The following CPAP variants were observed in gnomAD, a reference collection of about 807,000 sequenced individuals.
The protein encoded by CPAP is centrosomal P4.1-associated protein.
the CPAP span, chr13:24,910,089 T>C: frequency 3.7e-6 from 6 of 1,611,170 alleles, no homozygotes; most frequent in Non-Finnish European, 4.2e-6. Flanking sequence ...ACTCAAACCT[T>C]ACAATTAAGA....
chr13:24,928,777 T>A, the CPAP span, among the ~76,000 whole-genome samples: 8 of 152,336 alleles, frequency 5.3e-5, no homozygotes, highest in Non-Finnish European at 7.3e-5. Flanking sequence ...AGACTTTTTT[T>A]AATCTTGGCA....
chr13:24,884,594 T>C, the CPAP span: 1 of 881,822 alleles, frequency 1.1e-6, no homozygotes. Context: ...GATCCTTTAT[T>C]TCGTGAGGAG....
At chr13:24,902,220 G>A in the CPAP span, among the ~76,000 whole-genome samples, 17 of 118,648 alleles carry the variant, frequency 1.4e-4, no homozygotes, top group South Asian at 4.0e-3. Flanking sequence ...AAGCAAAACC[G>A]AAATAGGGAA....
At chr13:24,889,162 A>T in the CPAP span, 1 of 662,400 alleles carries the variant, frequency 1.5e-6, no homozygotes, top group Non-Finnish European at 2.7e-6. Context: ...CTGGCGGAAT[A>T]AGATGATGCA....
chr13:24,931,323 A>G, the CPAP span, among the ~76,000 whole-genome samples: 2 of 13,086 alleles, frequency 1.5e-4, no homozygotes, highest in Admixed American at 1.7e-3. Context: ...TTTTTTTTGC[A>G]TGCCTCATAA....
the CPAP span, chr13:24,903,883 G>A: frequency 6.3e-7 from 1 of 1,598,444 alleles, no homozygotes; most frequent in African/African-American, 1.3e-5. Context: ...AGGTATAACT[G>A]AGTCACTGCA....
the CPAP span, chr13:24,932,895 A>G: frequency 6.3e-5 from 44 of 695,122 alleles, no homozygotes; most frequent in East Asian, 7.6e-4. Context: ...CATGATTACA[A>G]TGTTTCTTAA....
chr13:24,909,747 A>T, the CPAP span: 1 of 1,552,698 alleles, frequency 6.4e-7, no homozygotes, highest in Middle Eastern at 2.3e-4. Context: ...AGGACAACTT[A>T]GTAACACTAT....
the CPAP span, chr13:24,884,391 C>G: frequency 1.2e-6 from 2 of 1,614,082 alleles, no homozygotes; most frequent in Non-Finnish European, 8.5e-7. Flanking sequence ...GTCTTCCCAT[C>G]TGCACTCACT....
the CPAP span, chr13:24,909,724 A>G: frequency 2.1e-6 from 3 of 1,420,798 alleles, no homozygotes; most frequent in Non-Finnish European, 2.9e-6. Flanking sequence ...AAAACATGGA[A>G]AGGCTTCATC....
chr13:24,926,887 T>G, the CPAP span, among the ~76,000 whole-genome samples: 1 of 152,144 alleles, frequency 6.6e-6, no homozygotes, highest in Non-Finnish European at 1.5e-5. Context: ...ATTGAGGCCA[T>G]AGCAGACAAC....
the CPAP span, among the ~76,000 whole-genome samples, chr13:24,930,848 C>T: frequency 2.6e-5 from 4 of 152,158 alleles, no homozygotes; most frequent in South Asian, 2.1e-4. Flanking sequence ...ATAGCTGGGT[C>T]GAATGGCAGT....
chr13:24,892,564 T>G, the CPAP span: 4 of 1,142,926 alleles, frequency 3.5e-6, no homozygotes, highest in Non-Finnish European at 5.3e-6. Flanking sequence ...CCCATTCTAC[T>G]TTCTGACTCT....
At chr13:24,918,177 G>A in the CPAP span, among the ~76,000 whole-genome samples, 1 of 152,186 alleles carries the variant, frequency 6.6e-6, no homozygotes, top group Non-Finnish European at 1.5e-5. Context: ...TGGAGATGCA[G>A]AAGCTAGTAC....
chr13:24,911,721 A>G, the CPAP span, among the ~76,000 whole-genome samples: 3 of 149,294 alleles, frequency 2.0e-5, no homozygotes, highest in Non-Finnish European at 4.5e-5. Context: ...TTTTTTTTTA[A>G]TGAATAAACA....
chr13:24,895,285 G>C, the CPAP span, among the ~76,000 whole-genome samples: 2 of 152,228 alleles, frequency 1.3e-5, no homozygotes, highest in Non-Finnish European at 2.9e-5. Context: ...GTTTAAAAAA[G>C]AAAGCCAAGG....
At chr13:24,931,359 G>C in the CPAP span, among the ~76,000 whole-genome samples, 1 of 74,890 alleles carries the variant, frequency 1.3e-5, no homozygotes, top group Non-Finnish European at 2.5e-5. Context: ...TGGACATTTT[G>C]AGCATTATAA....
the CPAP span, among the ~76,000 whole-genome samples, chr13:24,900,048 T>C: frequency 2.0e-4 from 30 of 151,602 alleles, no homozygotes; most frequent in African/African-American, 6.0e-4. Flanking sequence ...CATGGAATAT[T>C]AGAAGCATTA....
chr13:24,884,439 A>G, the CPAP span: 1 of 1,613,924 alleles, frequency 6.2e-7, no homozygotes, highest in East Asian at 2.2e-5. Flanking sequence ...ATAACACGGC[A>G]CCCATTCTTA....
Sources: gnomAD v4.1 joint callset for allele counts (sites outside exome capture counted in the v4.1 genomes callset) on GRCh38, gnomAD v4.1.1 for gene constraint, MANE v1.5 for transcripts, NCBI Gene and HGNC (gene_info 2026-07-23, HGNC 2026-07-21) for gene names.